ZFC3H1: variants seen among roughly 807,000 people sequenced by gnomAD.
ZFC3H1 encodes the protein zinc finger C3H1 domain-containing protein.
In ZFC3H1, 71 loss-of-function variants were observed where a neutral mutation model predicts 243.7. That is an observed-to-expected ratio of 0.29 (90% CI 0.24 to 0.36). The LOEUF is 0.36. Among genes scored for constraint, ZFC3H1 ranks in the 10% least tolerant of loss-of-function variants. The pLI, the probability that ZFC3H1 is intolerant of heterozygous loss-of-function variation, is 1.00. For missense variants in ZFC3H1, 1,966 were observed against 2,317.1 expected, an observed-to-expected ratio of 0.85 and a Z score of 3.11; for synonymous variants, 838 against 813.0, an observed-to-expected ratio of 1.03 and a Z score of -0.52.
intron 6 of ZFC3H1, among the ~76,000 whole-genome samples, 200 bp downstream of exon 6, chr12:71,642,236 C>A (rs1436928524): frequency 3.3e-5 from 5 of 152,326 alleles, no homozygotes; most frequent in African/African-American, 1.2e-4. Flanking sequence ...TATCTAGAAA[C>A]ACTCGGAAAT....
At chr12:71,647,505 T>C (rs1242237986) in intron 3 of ZFC3H1, among the ~76,000 whole-genome samples, 1 of 151,932 alleles carries the variant, frequency 6.6e-6, no homozygotes, top group Non-Finnish European at 1.5e-5. Context: ...AAACAAATGA[T>C]TAAAAAAAAG....
At chr12:71,653,866 T>C (rs1286757582) in intron 2 of ZFC3H1, among the ~76,000 whole-genome samples, 1 of 151,862 alleles carries the variant, frequency 6.6e-6, no homozygotes, top group African/African-American at 2.4e-5. Flanking sequence ...ATACAAAAAT[T>C]AGCCGGGCGC....
chr12:71,623,392 G>C lies in ZFC3H1; in HGVS notation c.4712C>G (p.Thr1571Ser). The change falls in exon 24 of 35, where the codon ACT (threonine) becomes AGT (serine). Residue 1571 changes from threonine (T) to serine (S), a missense_variant. Transcript: ENST00000378743. Reference protein sequence around the residue: ...MPWQAVQDVKTNPDMLLAVFE... With the variant: ...MPWQAVQDVKSNPDMLLAVFE... ...AACTGCTAACAACATGTCAGGATTA[G>C]TCTTTACATCTTGAACAGCTTGCCA... is the stretch of plus-strand genomic sequence containing the variant. The C allele has an allele frequency of 6.2e-7, 1 of 1,613,100 alleles. No individual in the cohort carries two copies. Among genetic ancestry groups the C allele is most frequent in the Non-Finnish European group, 8.5e-7 (1 of 1,179,672 alleles).
intron 3 of ZFC3H1, among the ~76,000 whole-genome samples, chr12:71,645,929 C>T (rs1419796485): frequency 6.6e-6 from 1 of 152,166 alleles, no homozygotes; most frequent in East Asian, 1.9e-4. Context: ...TTGGCTTCCC[C>T]ACCCCTGAAG....
intron 28 of ZFC3H1, 91 bp from the exon 29 acceptor site, chr12:71,615,029 T>C: frequency 1.6e-6 from 2 of 1,231,014 alleles, no homozygotes. Flanking sequence ...CAGATGTTAT[T>C]ACAATAGAAT....
chr12:71,661,934 A>T (rs1029904342), intron 1 of ZFC3H1, among the ~76,000 whole-genome samples: 3 of 152,208 alleles, frequency 2.0e-5, no homozygotes, highest in African/African-American at 7.2e-5. Context: ...TTTGAGAAAG[A>T]CCTATTCTGG....
Position 71,632,061 on chromosome 12 carries a change from A to C in ZFC3H1, c.3271T>G (p.Leu1091Val). 1 of 1,609,404 alleles carries C rather than the reference A, an allele frequency of 6.2e-7. No individual in the cohort carries two copies. The highest frequency in any genetic ancestry group is 8.5e-7 in the Non-Finnish European group (1 of 1,178,792). Reference sequence around the variant, plus strand: ...TCAGCTTTTGAATACAATTTTTGCAATTCACCAATTTTTAACCCTAGAAAA... The same window carrying C: ...TCAGCTTTTGAATACAATTTTTGCACTTCACCAATTTTTAACCCTAGAAAA... Reference protein sequence around the residue: ...ELFLGLKIGELQKLYSKADSL... With the variant: ...ELFLGLKIGEVQKLYSKADSL... Residue 1091 changes from leucine to valine, a missense_variant, in exon 15 of 35, where the codon TTG (leucine) becomes GTG (valine). Leu to Val is a conservative substitution (Grantham distance 32, BLOSUM62 1). Transcript: ENST00000378743.
rs1565804791 is a variant in ZFC3H1, at chr12:71,619,413, T to C, written c.5050-4A>G. On this transcript the variant is annotated splice_region_variant and splice_polypyrimidine_tract_variant and intron_variant, in intron 26 of 34. Coordinates refer to ENST00000378743, the MANE Select transcript of ZFC3H1 (RefSeq NM_144982.5). ...GAAGAAGATTATCGCCTCGATTCTA[T>C]TTTAAAAAGAGGGAGGGGGATATAT... 6.2e-7 allele frequency: 1 copy of C among 1,612,656 alleles called. No homozygotes were observed. Among genetic ancestry groups the C allele is most frequent in the East Asian group, 2.2e-5 (1 of 44,774 alleles).
chr12:71,658,495 ACAAGGCTGGT>A (rs1415868618), intron 1 of ZFC3H1, among the ~76,000 whole-genome samples: 3 of 151,702 alleles, frequency 2.0e-5, no homozygotes, highest in Non-Finnish European at 2.9e-5. Context: ...CACCATGTTG[ACAAGGCTGGT>A]CTTGAAATCC....
At position 71,642,575 on chromosome 12, in the gene ZFC3H1, T is replaced by G. The variant is rs1207079944; in HGVS notation, c.1504-16A>C. 1 of 1,586,750 alleles carries G rather than the reference T, an allele frequency of 6.3e-7. No individual in the cohort carries two copies. Among genetic ancestry groups the G allele is most frequent in the Non-Finnish European group, 8.6e-7 (1 of 1,167,676 alleles). The stretch of plus-strand genomic sequence containing the variant: ...GATCTGAAGACTAAGTATACAACAC[T>G]TTTTTAGTTTCAAAGCATTTTCTGT... On this transcript the variant is annotated splice_polypyrimidine_tract_variant and intron_variant, in intron 5 of 34. Coordinates refer to ENST00000378743, the MANE Select transcript of ZFC3H1 (RefSeq NM_144982.5).
At chr12:71,611,961 A>G in intron 31 of ZFC3H1, 74 bp from the exon 32 acceptor site, 1 of 793,620 alleles carries the variant, frequency 1.3e-6, no homozygotes, top group Non-Finnish European at 2.0e-6. Context: ...TATGAGCACA[A>G]TGACGAAGTA....
intron 28 of ZFC3H1, 44 bp downstream of exon 28, chr12:71,615,162 A>G (rs1342522490): frequency 6.9e-7 from 1 of 1,444,008 alleles, no homozygotes; most frequent in East Asian, 2.3e-5. Flanking sequence ...TAAATAGCAA[A>G]TGCAGGCCTA....
chr12:71,615,248 T>C lies in ZFC3H1; in HGVS notation c.5213A>G (p.Asp1738Gly). Reference protein sequence around the residue: ...SRLCKGNFDDDMFNHQVPYLW... With the variant: ...SRLCKGNFDDGMFNHQVPYLW... ...ATAAGGAACTTGGTGGTTAAACATA[T>C]CATCATCAAAATTCCCTTTACATAA... The change falls in exon 28 of 35, where the codon GAT (aspartate) becomes GGT (glycine). Residue 1738 changes from aspartate (D) to glycine (G), a missense_variant. By Grantham distance (94) the Asp-to-Gly change is moderately conservative (BLOSUM62 -1). Coordinates refer to ENST00000378743, the MANE Select transcript of ZFC3H1 (RefSeq NM_144982.5). 1 of 1,613,680 alleles carries C rather than the reference T, an allele frequency of 6.2e-7. No homozygotes were observed. Among genetic ancestry groups the C allele is most frequent in the Non-Finnish European group, 8.5e-7 (1 of 1,179,836 alleles).
intron 2 of ZFC3H1, among the ~76,000 whole-genome samples, chr12:71,655,452 T>G (rs1192364188): frequency 1.3e-5 from 2 of 151,962 alleles, no homozygotes; most frequent in African/African-American, 4.8e-5. Context: ...TAAAAACTTA[T>G]GTACTTATTT....
rs1012420485 is a variant in ZFC3H1 at position 71,663,830 on chromosome 12, C to G, written c.-220G>C. The stretch of plus-strand genomic sequence containing the variant: ...TTCCCTTTCCTAGCGCCCCCTTGCT[C>G]CTCAGCGATCGGGGTTCTTCCGCCT... On this transcript the variant is annotated 5_prime_UTR_variant, in exon 1 of 35. Transcript: ENST00000378743. 3.2e-5 allele frequency: 19 copies of G among 586,868 alleles called. No individual in the cohort carries two copies. The highest frequency in any genetic ancestry group is 2.8e-4 in the African/African-American group (15 of 53,740). 36.4% of individuals were successfully genotyped at this position (586,868 alleles called of 1,614,324 possible).
intron 2 of ZFC3H1, among the ~76,000 whole-genome samples, chr12:71,650,427 T>C (rs1344120792): frequency 6.6e-6 from 1 of 151,802 alleles, no homozygotes; most frequent in African/African-American, 2.4e-5. Context: ...AATAAAATTA[T>C]CTCAAGTTTT....
chr12:71,632,533 A>T lies in ZFC3H1; in HGVS notation c.2818-19T>A. ...TGTTTGGCTAAGGGAGAAAAATGATACACGTATTTTACATCACTGTGATTT... is the reference window on the plus strand; with the variant it reads ...TGTTTGGCTAAGGGAGAAAAATGATTCACGTATTTTACATCACTGTGATTT... On this transcript the variant is annotated intron_variant, in intron 14 of 34. Coordinates refer to ENST00000378743, the MANE Select transcript of ZFC3H1 (RefSeq NM_144982.5). 2 of 1,528,894 alleles carry T rather than the reference A, an allele frequency of 1.3e-6. No homozygotes were observed. The highest frequency in any genetic ancestry group is 1.7e-6 in the Non-Finnish European group (2 of 1,151,624). The allele number at this position is 1,528,894 out of a possible 1,614,324, so 94.7% of individuals were successfully genotyped here.
At position 71,647,778 on chromosome 12, in the gene ZFC3H1, T is replaced by C; in HGVS notation, c.1051A>G (p.Ile351Val). The C allele has an allele frequency of 6.8e-7, 1 of 1,475,510 alleles. No homozygotes were observed. The allele number at this position is 1,475,510 out of a possible 1,614,324, so 91.4% of individuals were successfully genotyped here. ...TCAGACAGAATATCTGAGGTACTAA[T>C]TCTTCTTGTTAAATTTTGTTCTTTA... is the stretch of plus-strand genomic sequence containing the variant. ...QDKEQNLTRR[I>V]STSDILSEKK... Residue 351 changes from isoleucine to valine, a missense_variant, in exon 3 of 35, where the codon ATT (isoleucine) becomes GTT (valine). Physicochemically the swap from Ile to Val is conservative, Grantham distance 29 (BLOSUM62 3). Coordinates refer to ENST00000378743, the MANE Select transcript of ZFC3H1 (RefSeq NM_144982.5).
At chr12:71,631,091 G>A in intron 16 of ZFC3H1, 137 bp from the exon 17 acceptor site, 2 of 884,924 alleles carry the variant, frequency 2.3e-6, no homozygotes, top group Non-Finnish European at 3.1e-6. Context: ...TTAAATTAAT[G>A]CCAAAATTAA....
Sources: gnomAD v4.1 joint callset for allele counts (sites outside exome capture counted in the v4.1 genomes callset) on GRCh38, gnomAD v4.1.1 for gene constraint, MANE v1.5 for transcripts, NCBI Gene and HGNC (gene_info 2026-07-23, HGNC 2026-07-21) for gene names.